The following NCALD variants were observed in gnomAD, a reference collection of about 807,000 sequenced individuals.
NCALD encodes neurocalcin delta.
In NCALD, 10 loss-of-function variants were observed where a neutral mutation model predicts 18.6. That is an observed-to-expected ratio of 0.54 (90% confidence interval 0.33 to 0.91). The LOEUF (loss-of-function observed/expected upper bound fraction) is 0.91, where lower values mean the gene tolerates loss of function less well. Ranked by LOEUF, NCALD falls within the 40% of genes least tolerant of loss-of-function variation. The pLI, the probability that NCALD is intolerant of heterozygous loss-of-function variation, is 0.03. For missense variants in NCALD, 184 were observed against 247.6 expected (o/e 0.74, Z 1.72); for synonymous variants, 88 against 87.4 (o/e 1.01, Z -0.04).
chr8:101,805,102 T>C (rs1019416938), intron 4 of NCALD, among the ~76,000 whole-genome samples: 4 of 152,176 alleles, frequency 2.6e-5, no homozygotes, highest in African/African-American at 7.2e-5. Context: ...TAAAATCATA[T>C]ATATAAAGTC....
At chr8:101,704,582 A>C (rs1005391915) in intron 2 of NCALD, among the ~76,000 whole-genome samples, 5 of 152,170 alleles carry the variant, frequency 3.3e-5, no homozygotes, top group African/African-American at 1.2e-4. Flanking sequence ...CCCAGTCACA[A>C]AGGCTGTTGT....
intron 2 of NCALD, among the ~76,000 whole-genome samples, chr8:102,006,610 G>A (rs1359739502): frequency 6.6e-6 from 1 of 152,180 alleles, no homozygotes; most frequent in African/African-American, 2.4e-5. Flanking sequence ...AGCTAGAGGA[G>A]GTAAGTCCAG....
At chr8:102,044,369 G>A in intron 1 of NCALD, among the ~76,000 whole-genome samples, 1 of 151,972 alleles carries the variant, frequency 6.6e-6, no homozygotes, top group East Asian at 1.9e-4. Flanking sequence ...GCTTCTCTGG[G>A]CTGAGGGAAA....
chr8:101,746,985 G>T (rs1293447206), intron 1 of NCALD, among the ~76,000 whole-genome samples: 2 of 152,026 alleles, frequency 1.3e-5, no homozygotes, highest in African/African-American at 4.8e-5. Flanking sequence ...CTGAGTAAGA[G>T]ATATGGCCCA....
intron 2 of NCALD, among the ~76,000 whole-genome samples, chr8:101,718,116 G>A (rs1356063493): frequency 6.6e-6 from 1 of 152,156 alleles, no homozygotes; most frequent in East Asian, 1.9e-4. Flanking sequence ...GAGTGTCTGA[G>A]CATTTTGTAA....
chr8:102,052,079 T>C (rs1192553194), intron 1 of NCALD, among the ~76,000 whole-genome samples: 1 of 152,152 alleles, frequency 6.6e-6, no homozygotes, highest in Non-Finnish European at 1.5e-5. Flanking sequence ...GCCAGGTAAA[T>C]GGGAAGAATC....
intron 1 of NCALD, among the ~76,000 whole-genome samples, chr8:101,779,687 A>G (rs537837829): frequency 6.6e-6 from 1 of 152,154 alleles, no homozygotes; most frequent in Non-Finnish European, 1.5e-5. Context: ...ACAATCCTAA[A>G]GGTGGGATTA....
chr8:101,829,385 A>G (rs1456122376), intron 4 of NCALD, among the ~76,000 whole-genome samples: 1 of 152,220 alleles, frequency 6.6e-6, no homozygotes, highest in Non-Finnish European at 1.5e-5. Flanking sequence ...ATCTCATTAT[A>G]CAGTGTTATA....
intron 4 of NCALD, among the ~76,000 whole-genome samples, chr8:101,880,596 A>G (rs959153541): frequency 6.6e-6 from 1 of 152,226 alleles, no homozygotes; most frequent in African/African-American, 2.4e-5. Context: ...CAGGACACCT[A>G]TTGACTTGTG....
At chr8:101,958,205 C>A (rs1819705763) in intron 2 of NCALD, among the ~76,000 whole-genome samples, 1 of 152,068 alleles carries the variant, frequency 6.6e-6, no homozygotes, top group South Asian at 2.1e-4. Flanking sequence ...ACTTTTGGAT[C>A]TCCATAGTCT....
At chr8:101,701,977 T>C (rs1401741132) in intron 2 of NCALD, among the ~76,000 whole-genome samples, 1 of 152,214 alleles carries the variant, frequency 6.6e-6, no homozygotes, top group African/African-American at 2.4e-5. Flanking sequence ...CATTTAGAGC[T>C]AGAAGAATCA....
chr8:101,926,011 T>G (rs1818325000), intron 2 of NCALD, among the ~76,000 whole-genome samples: 1 of 152,122 alleles, frequency 6.6e-6, no homozygotes, highest in Non-Finnish European at 1.5e-5. Context: ...CGGTGTCCCG[T>G]CCTTGTGGAA....
intron 2 of NCALD, among the ~76,000 whole-genome samples, chr8:101,697,832 T>C (rs1217070906): frequency 2.0e-5 from 3 of 152,122 alleles, no homozygotes; most frequent in Non-Finnish European, 4.4e-5. Flanking sequence ...ACAGCCAATA[T>C]CATACTGAAT....
At position 101,689,526 on chromosome 8, in the gene NCALD, A is replaced by AGG; in HGVS notation, c.485-121_485-120insCC. 2.8e-6 allele frequency: 2 copies of AGG among 720,546 alleles called. No homozygotes were observed. Among genetic ancestry groups the AGG allele is most frequent in the Non-Finnish European group, 4.8e-6 (2 of 418,470 alleles). The allele number at this position is 720,546 out of a possible 1,614,324, so 44.6% of individuals were successfully genotyped here. On this transcript the variant is annotated intron_variant, in intron 3 of 3. Transcript: ENST00000220931. This position sits in a 1 kb window ranked among gnomAD's most constrained non-coding sequence, Gnocchi z 4.4. ...TGCCTGCAGCCTCACTGCCACTGTG[A>AGG]CACACAGCACTCACCTGTCCCGGGG...
intron 1 of NCALD, among the ~76,000 whole-genome samples, chr8:102,028,467 C>T (rs1054713209): frequency 2.6e-5 from 4 of 152,198 alleles, no homozygotes; most frequent in Non-Finnish European, 4.4e-5. Flanking sequence ...AATGCACTAG[C>T]CACTGAGGGG....
At chr8:101,851,271 TG>T (rs1815080591) in intron 4 of NCALD, among the ~76,000 whole-genome samples, 1 of 152,030 alleles carries the variant, frequency 6.6e-6, no homozygotes, top group Admixed American at 6.6e-5. Flanking sequence ...AATAACAAAA[TG>T]CAAAATCTTA....
chr8:101,807,653 A>G (rs1813153294), intron 4 of NCALD, among the ~76,000 whole-genome samples: 1 of 152,220 alleles, frequency 6.6e-6, no homozygotes, highest in South Asian at 2.1e-4. Context: ...TGAAAGGCAC[A>G]TACAAACTGT....
intron 1 of NCALD, among the ~76,000 whole-genome samples, chr8:101,749,754 G>A (rs2387619): frequency 0.66 from 99,989 of 152,008 alleles, 34,479 homozygotes; most frequent in Non-Finnish European, 0.76. Context: ...CCAGTCCACT[G>A]TTTGCCAGAG....
intron 2 of NCALD, among the ~76,000 whole-genome samples, chr8:101,946,067 T>C (rs922705481): frequency 4.6e-5 from 7 of 152,334 alleles, no homozygotes; most frequent in African/African-American, 1.2e-4. Flanking sequence ...GAGGAAAATC[T>C]GCCTTTTACT....
Sources: allele counts gnomAD v4.1 joint callset (sites outside exome capture counted in the v4.1 genomes callset), GRCh38; gene constraint gnomAD v4.1.1; non-coding constraint Gnocchi (gnomAD v3.1); transcripts MANE v1.5; gene names NCBI Gene and HGNC (gene_info 2026-07-23, HGNC 2026-07-21).